Variants in ANGPT1 observed in about 807,000 individuals in gnomAD.
ANGPT1 encodes angiopoietin 1.
A neutral mutation model predicts 62.2 loss-of-function variants in ANGPT1; 17 were observed. The ratio of observed to expected loss-of-function variants is 0.27; its 90% confidence interval spans 0.19 to 0.41. ANGPT1 has a LOEUF of 0.41. Among genes scored for constraint, ANGPT1 ranks in the 10% least tolerant of loss-of-function variants. The pLI is 1.00. For missense variants in ANGPT1, 478 were observed against 594.9 expected (o/e 0.80, Z 2.04); for synonymous variants, 199 against 198.9 (o/e 1.00, Z 0.00).
At chr8:107,310,226 A>G (rs1814817145) in intron 4 of ANGPT1, among the ~76,000 whole-genome samples, 1 of 152,190 alleles carries the variant, frequency 6.6e-6, no homozygotes, top group African/African-American at 2.4e-5. Flanking sequence ...TATGTTTTAC[A>G]TGCTTCATTT....
intron 2 of ANGPT1, among the ~76,000 whole-genome samples, chr8:107,341,001 A>C (rs936352371): frequency 6.6e-6 from 1 of 152,170 alleles, no homozygotes; most frequent in Non-Finnish European, 1.5e-5. Context: ...TGATTGAAGT[A>C]ATTTACTTGG....
intron 8 of ANGPT1, among the ~76,000 whole-genome samples, chr8:107,253,807 A>G (rs532339589): frequency 4.6e-5 from 7 of 152,214 alleles, no homozygotes; most frequent in Non-Finnish European, 8.8e-5. Flanking sequence ...GGGAAAACTT[A>G]GGAAAGAGAC....
chr8:107,312,143 T>C (rs1814886426), intron 4 of ANGPT1, among the ~76,000 whole-genome samples: 1 of 152,086 alleles, frequency 6.6e-6, no homozygotes, highest in Non-Finnish European at 1.5e-5. Context: ...CTTTGTTTAA[T>C]CAAGTAATCT....
chr8:107,258,894 G>T (rs533978263), intron 8 of ANGPT1, among the ~76,000 whole-genome samples: 1 of 152,106 alleles, frequency 6.6e-6, no homozygotes, highest in African/African-American at 2.4e-5. Flanking sequence ...ATTTTCACCA[G>T]AATAATTTGT....
intron 1 of ANGPT1, among the ~76,000 whole-genome samples, chr8:107,398,490 TTTC>T (rs1316301481): frequency 7.8e-6 from 1 of 128,426 alleles, no homozygotes; most frequent in African/African-American, 3.1e-5. Context: ...TGTTAATTTT[TTTC>T]TTTTCTATTT....
At chr8:107,275,000 C>A (rs1175543246) in intron 7 of ANGPT1, among the ~76,000 whole-genome samples, 1 of 152,042 alleles carries the variant, frequency 6.6e-6, no homozygotes, top group Admixed American at 6.6e-5. Context: ...CTAACCCAAT[C>A]AAGGACGAAG....
At chr8:107,362,321 G>C (rs1816183304) in intron 1 of ANGPT1, among the ~76,000 whole-genome samples, 1 of 151,956 alleles carries the variant, frequency 6.6e-6, no homozygotes, top group Non-Finnish European at 1.5e-5. Context: ...CTGTTAAAGT[G>C]GAAATATTCT....
At chr8:107,363,418 T>A (rs890896972) in intron 1 of ANGPT1, among the ~76,000 whole-genome samples, 2 of 152,202 alleles carry the variant, frequency 1.3e-5, no homozygotes, top group Non-Finnish European at 2.9e-5. Flanking sequence ...CTAGCCACCA[T>A]ATTATTGCTT....
intron 2 of ANGPT1, among the ~76,000 whole-genome samples, chr8:107,343,254 C>T (rs1247997838): frequency 6.6e-6 from 1 of 151,868 alleles, no homozygotes; most frequent in African/African-American, 2.4e-5. Context: ...GGGGAAATGC[C>T]CACGAGGAAA....
At chr8:107,387,238 C>T (rs1816749115) in intron 1 of ANGPT1, among the ~76,000 whole-genome samples, 1 of 152,108 alleles carries the variant, frequency 6.6e-6, no homozygotes, top group Admixed American at 6.6e-5. Context: ...CAAGTATGAG[C>T]AACGTTGATG....
intron 3 of ANGPT1, among the ~76,000 whole-genome samples, chr8:107,333,996 G>GGAGGGAA (rs56722241): frequency 7.1e-5 from 5 of 70,478 alleles, no homozygotes; most frequent in African/African-American, 2.6e-4. Flanking sequence ...GAGGGAGGGA[G>GGAGGGAA]GGAAGGAAGG....
chr8:107,298,316 G>A (rs1263323783), intron 5 of ANGPT1, among the ~76,000 whole-genome samples: 1 of 151,758 alleles, frequency 6.6e-6, no homozygotes, highest in African/African-American at 2.4e-5. Flanking sequence ...AAGAATTAGG[G>A]GAATTACGAG....
At chr8:107,450,938 A>C (rs1811761778) in intron 1 of ANGPT1, among the ~76,000 whole-genome samples, 2 of 151,840 alleles carry the variant, frequency 1.3e-5, no homozygotes, top group African/African-American at 4.8e-5. Flanking sequence ...TATATTGCAG[A>C]TGAGGCAATG....
At chr8:107,355,061 C>A (rs998017809) in intron 1 of ANGPT1, among the ~76,000 whole-genome samples, 2 of 135,570 alleles carry the variant, frequency 1.5e-5, no homozygotes, top group African/African-American at 5.0e-5. Flanking sequence ...GCCACCACGC[C>A]TAGCTAATTT....
chr8:107,320,742 T>C (rs1343237517), intron 4 of ANGPT1, among the ~76,000 whole-genome samples: 1 of 152,112 alleles, frequency 6.6e-6, no homozygotes, highest in East Asian at 1.9e-4. Flanking sequence ...AAAGGAGATA[T>C]AACTCGAGGT....
At chr8:107,412,318 C>T (rs963241421) in intron 1 of ANGPT1, among the ~76,000 whole-genome samples, 2 of 151,988 alleles carry the variant, frequency 1.3e-5, no homozygotes, top group South Asian at 2.1e-4. Context: ...AAGTCCCTGG[C>T]GATAGAGGAA....
chr8:107,477,980 G>T (rs1358821479), intron 1 of ANGPT1, among the ~76,000 whole-genome samples: 1 of 150,800 alleles, frequency 6.6e-6, no homozygotes, highest in Non-Finnish European at 1.5e-5. Flanking sequence ...TAAATTGAGA[G>T]CTGGTCTTAC....
At chr8:107,285,638 A>C (rs1814121163) in intron 6 of ANGPT1, among the ~76,000 whole-genome samples, 1 of 152,088 alleles carries the variant, frequency 6.6e-6, no homozygotes, top group Non-Finnish European at 1.5e-5. Flanking sequence ...AGTATTCAAA[A>C]TAGTTTCTTT....
intron 7 of ANGPT1, among the ~76,000 whole-genome samples, chr8:107,271,681 C>T (rs909362736): frequency 6.6e-6 from 1 of 151,870 alleles, no homozygotes; most frequent in African/African-American, 2.4e-5. Context: ...GACAAGAAAC[C>T]AAAGAGTTGC....
Sources: allele counts gnomAD v4.1 joint callset (sites outside exome capture counted in the v4.1 genomes callset), GRCh38; gene constraint gnomAD v4.1.1; transcripts MANE v1.5; gene names NCBI Gene and HGNC (gene_info 2026-07-23, HGNC 2026-07-21).